Variants in MEGF11 observed in about 807,000 individuals in gnomAD.
The protein encoded by MEGF11 is multiple epidermal growth factor-like domains protein 11.
A neutral mutation model predicts 146.6 loss-of-function variants in MEGF11; 126 were observed. That is an observed-to-expected ratio of 0.86 (90% CI 0.74 to 1.00). The LOEUF is 1.00. MEGF11 is among the 50% of genes least tolerant of loss of function. The probability of loss-of-function intolerance (pLI) is 0.00; values close to 1 mark genes in which losing one functional copy is unlikely to be tolerated. For synonymous variants in MEGF11, 532 were observed against 583.4 expected, an observed-to-expected ratio of 0.91 and a Z score of 1.27; for missense variants, 1,509 against 1,521.2, an observed-to-expected ratio of 0.99 and a Z score of 0.13.
chr15:66,173,594 G>A (rs1293819748), intron 1 of MEGF11, among the ~76,000 whole-genome samples: 1 of 152,184 alleles, frequency 6.6e-6, no homozygotes, highest in African/African-American at 2.4e-5. Context: ...GGCATTACAG[G>A]TGTGAACCAC....
intron 1 of MEGF11, among the ~76,000 whole-genome samples, chr15:66,140,598 A>G (rs1052660194): frequency 1.3e-5 from 2 of 152,202 alleles, no homozygotes; most frequent in Non-Finnish European, 2.9e-5. Context: ...AAATTTCTAA[A>G]TTTGCCGTAA....
At chr15:66,111,730 CAA>C (rs1275849769) in intron 4 of MEGF11, among the ~76,000 whole-genome samples, 1 of 152,108 alleles carries the variant, frequency 6.6e-6, no homozygotes, top group African/African-American at 2.4e-5. Flanking sequence ...CCACAAGAAA[CAA>C]AAAGCCAGGA....
chr15:66,247,692 G>C (rs2092314048), intron 1 of MEGF11, among the ~76,000 whole-genome samples: 1 of 152,144 alleles, frequency 6.6e-6, no homozygotes, highest in South Asian at 2.1e-4. Flanking sequence ...AGTGAGCTAT[G>C]ATAGCAGCAC....
At chr15:65,928,862 A>G (rs2079469090) in intron 12 of MEGF11, among the ~76,000 whole-genome samples, 1 of 152,192 alleles carries the variant, frequency 6.6e-6, no homozygotes, top group Non-Finnish European at 1.5e-5. Flanking sequence ...ATCATTAACT[A>G]AAACTGTAAA....
intron 24 of MEGF11, among the ~76,000 whole-genome samples, chr15:65,904,625 G>C (rs773211508): frequency 1.3e-5 from 2 of 152,162 alleles, no homozygotes; most frequent in Non-Finnish European, 2.9e-5. Flanking sequence ...GTTGTGTCTT[G>C]GTGTATGTAA....
At chr15:66,232,980 C>T (rs776858627) in intron 1 of MEGF11, among the ~76,000 whole-genome samples, 21 of 152,118 alleles carry the variant, frequency 1.4e-4, no homozygotes, top group Non-Finnish European at 2.9e-4. Flanking sequence ...AACGAGGATG[C>T]CATAGGGCTA....
At chr15:66,103,810 C>A (rs1309524823) in intron 4 of MEGF11, among the ~76,000 whole-genome samples, 2 of 152,212 alleles carry the variant, frequency 1.3e-5, no homozygotes, top group African/African-American at 4.8e-5. Flanking sequence ...GGCAGGGCTG[C>A]AACCCATGGT....
intron 5 of MEGF11, among the ~76,000 whole-genome samples, chr15:66,080,883 C>A (rs532089285): frequency 6.6e-6 from 1 of 152,192 alleles, no homozygotes; most frequent in Non-Finnish European, 1.5e-5. Context: ...GCGGCCCAGG[C>A]GGGTCTGCGA....
At chr15:65,912,053 T>G in intron 21 of MEGF11, 29 bp downstream of exon 21, 1 of 1,180,192 alleles carries the variant, frequency 8.5e-7, no homozygotes, top group Non-Finnish European at 1.1e-6. Context: ...GGGCAGTGAG[T>G]GGGGGCTGGG....
At chr15:66,030,529 C>G (rs1486155270) in intron 5 of MEGF11, among the ~76,000 whole-genome samples, 2 of 152,192 alleles carry the variant, frequency 1.3e-5, no homozygotes, top group Non-Finnish European at 2.9e-5. Flanking sequence ...CCTGCCTCAG[C>G]CTCCGGAGTA....
At chr15:66,220,489 A>G (rs1422727907) in intron 1 of MEGF11, among the ~76,000 whole-genome samples, 1 of 148,234 alleles carries the variant, frequency 6.7e-6, no homozygotes, top group Admixed American at 6.7e-5. Context: ...GAGGAAGGGT[A>G]TGATCATAAA....
At chr15:66,151,868 C>A (rs1340335762) in intron 1 of MEGF11, among the ~76,000 whole-genome samples, 2 of 152,246 alleles carry the variant, frequency 1.3e-5, no homozygotes, top group South Asian at 2.1e-4. Context: ...GCTCCCTCCC[C>A]ACCCGGCTGC....
chr15:66,128,056 G>A (rs1052746943), intron 2 of MEGF11, among the ~76,000 whole-genome samples: 8 of 152,220 alleles, frequency 5.3e-5, no homozygotes, highest in African/African-American at 1.9e-4. Context: ...GCAATGGCTG[G>A]GAAGTGCTAG....
At chr15:66,002,043 C>T (rs1472978914) in intron 5 of MEGF11, among the ~76,000 whole-genome samples, 1 of 152,068 alleles carries the variant, frequency 6.6e-6, no homozygotes, top group Admixed American at 6.6e-5. Context: ...CCCCTCCCCT[C>T]ACACCACAAC....
At position 65,959,662 on chromosome 15, in the gene MEGF11, T is replaced by C. The variant is rs184311898; in HGVS notation, c.1113-1941A>G. Among the ~76,000 whole-genome samples the C allele has an allele frequency of 3.1e-3, 472 of 152,340 alleles. 3 individuals carry two copies. The highest frequency in any genetic ancestry group is 6.8e-3 in the Middle Eastern group (2 of 294). ...GGAGAAAGATTTATGCACAGAGATG[T>C]TCCCTGAAGCATTATTTATAACAGT... On this transcript the variant is annotated intron_variant, in intron 9 of 25. Coordinates refer to ENST00000395614, the MANE Select transcript of MEGF11 (RefSeq NM_001385028.1).
At chr15:66,067,706 C>T (rs1033095454) in intron 5 of MEGF11, among the ~76,000 whole-genome samples, 5 of 152,222 alleles carry the variant, frequency 3.3e-5, no homozygotes, top group African/African-American at 1.2e-4. Flanking sequence ...TAACAAATGT[C>T]TTGCTAGCAG....
At chr15:66,107,990 G>A (rs546780828) in intron 4 of MEGF11, among the ~76,000 whole-genome samples, 66 of 152,194 alleles carry the variant, frequency 4.3e-4, no homozygotes, top group Non-Finnish European at 7.5e-4. Flanking sequence ...GTCGAGTGGG[G>A]CTCCCAGAGA....
intron 10 of MEGF11, among the ~76,000 whole-genome samples, chr15:65,955,823 A>AATATATATAAATATATATAT (rs71139451): frequency 0.25 from 10,019 of 40,038 alleles, 1,839 homozygotes; most frequent in Non-Finnish European, 0.34. Flanking sequence ...CAATACTTTA[A>AATATATATAAATATATATAT]ATATATAACA....
chr15:66,070,101 G>C (rs2085303057), intron 5 of MEGF11, among the ~76,000 whole-genome samples: 1 of 152,216 alleles, frequency 6.6e-6, no homozygotes, highest in South Asian at 2.1e-4. Flanking sequence ...GGAAAAGACT[G>C]GAGTGAAAGT....
Sources: gnomAD v4.1 joint callset for allele counts (sites outside exome capture counted in the v4.1 genomes callset) on GRCh38, gnomAD v4.1.1 for gene constraint, MANE v1.5 for transcripts, NCBI Gene and HGNC (gene_info 2026-07-23, HGNC 2026-07-21) for gene names.